SLC2A9: variants seen among roughly 807,000 people sequenced by gnomAD.
SLC2A9 encodes the protein solute carrier family 2, facilitated glucose transporter member 9.
SLC2A9 carries 39 observed loss-of-function variants against 50.6 expected under a neutral mutation model. The ratio of observed to expected loss-of-function variants is 0.77; its 90% CI spans 0.60 to 1.01. SLC2A9 has a LOEUF of 1.01. Among genes scored for constraint, SLC2A9 ranks in the 50% least tolerant of loss-of-function variants. The probability of loss-of-function intolerance (pLI) is 0.00; values close to 1 mark genes in which losing one functional copy is unlikely to be tolerated. For synonymous variants in SLC2A9, 324 were observed against 276.9 expected (o/e 1.17, Z -1.69); for missense variants, 686 against 677.6 (o/e 1.01, Z -0.14).
intron 6 of SLC2A9, among the ~76,000 whole-genome samples, chr4:9,921,625 C>T (rs1235772790): frequency 2.6e-5 from 4 of 152,224 alleles, no homozygotes; most frequent in Admixed American, 1.3e-4. Context: ...AGAACCCTTC[C>T]GAAGGCTTTG....
chr4:9,814,748 G>A (rs575577882), intron 3 of SLC2A9, among the ~76,000 whole-genome samples: 2 of 152,028 alleles, frequency 1.3e-5, no homozygotes, highest in African/African-American at 4.8e-5. Context: ...GAGAGAAAGC[G>A]CTAGAGCAAA....
intron 5 of SLC2A9, among the ~76,000 whole-genome samples, chr4:9,943,141 G>T (rs182592473): frequency 1.3e-5 from 2 of 152,092 alleles, no homozygotes; most frequent in African/African-American, 4.8e-5. Flanking sequence ...CCCAAGACTC[G>T]CTCCCTACTG....
At chr4:9,850,120 C>G (rs185103206) in intron 10 of SLC2A9, among the ~76,000 whole-genome samples, 1 of 152,008 alleles carries the variant, frequency 6.6e-6, no homozygotes. Flanking sequence ...GAACCCTGCA[C>G]GGGGCTGCTG....
chr4:9,826,485 T>G lies in SLC2A9; in HGVS notation c.1535A>C (p.Gln512Pro). The change falls in exon 12 of 12, where the codon CAG becomes CCG. Residue 512 changes from glutamine (Q) to proline (P), a missense_variant. Transcript: ENST00000264784. ...TGCTTTGTTCCTTTTGGAAAATGCC[T>G]GGCTGATTTCTGCATAGGTTCTGTT... ...TKNRTYAEIS[Q>P]AFSKRNKAYP... The G allele has an allele frequency of 4.3e-6, 7 of 1,613,972 alleles. No homozygotes were observed. The East Asian group carries it at 1.6e-4, about 36-fold the overall frequency.
upstream of SLC2A9, chr4:10,021,516 G>C: frequency 1.3e-6 from 2 of 1,592,168 alleles, no homozygotes; most frequent in South Asian, 2.3e-5. Context: ...AGAGTCCACT[G>C]GAAGGAGGGC....
chr4:9,773,616 G>T (rs1202617918), intron 1 of SLC2A9, among the ~76,000 whole-genome samples: 2 of 152,236 alleles, frequency 1.3e-5, no homozygotes, highest in African/African-American at 2.4e-5. Flanking sequence ...CATGTGAAAG[G>T]ATCGTTTCCT....
upstream of SLC2A9, among the ~76,000 whole-genome samples, chr4:10,024,277 G>C (rs1476368499): frequency 5.3e-5 from 8 of 152,190 alleles, no homozygotes; most frequent in African/African-American, 1.9e-4. Context: ...TCAATGGGCT[G>C]ATTGTGTCCC....
chr4:9,985,721 T>C lies in SLC2A9; in HGVS notation c.483A>G (p.Ala161=). 6.2e-7 allele frequency: 1 copy of C among 1,614,034 alleles called. No individual in the cohort carries two copies. The highest frequency in any genetic ancestry group is 8.5e-7 in the Non-Finnish European group (1 of 1,179,868). ...CCACGATGAGCATTTCAAAGGCTCC[T>C]GCCTGGAGCGAGCAGGCCATCAGCA... ...AALLMACSLQ[A]GAFEMLIVGR... The change falls in exon 4 of 12, where the codon GCA becomes GCG. Residue 161 remains alanine, a synonymous_variant. Transcript: ENST00000264784.
intron 3 of SLC2A9, among the ~76,000 whole-genome samples, chr4:9,785,342 A>C (rs1404907573): frequency 2.0e-5 from 3 of 152,236 alleles, no homozygotes; most frequent in Non-Finnish European, 2.9e-5. Flanking sequence ...TGTTTTCTCG[A>C]TAGGACTTCT....
intron 2 of SLC2A9, among the ~76,000 whole-genome samples, chr4:10,001,035 G>T (rs1361068068): frequency 6.6e-6 from 1 of 152,112 alleles, no homozygotes; most frequent in African/African-American, 2.4e-5. Flanking sequence ...GTCCTTATTT[G>T]AAATGTGGTC....
At position 10,033,985 on chromosome 4, in the gene SLC2A9, G is replaced by A. The variant is rs990733658; in HGVS notation, c.-41+6145C>T. 6.6e-5 allele frequency among the ~76,000 whole-genome samples: 10 copies of A among 152,238 alleles called. No homozygotes were observed. In the East Asian group the frequency reaches 7.7e-4, roughly 12 times the overall value. On this transcript the variant is annotated intron_variant, in intron 1 of 12. Coordinates refer to the SLC2A9 transcript ENST00000309065. ...GCCCCTTTTCTCCTACTCTGTCCCCGGGGATGTTTTTCTCTTACTGACTCT... is the reference window on the plus strand; with the variant it reads ...GCCCCTTTTCTCCTACTCTGTCCCCAGGGATGTTTTTCTCTTACTGACTCT...
chr4:9,903,770 T>C (rs1205454275), intron 8 of SLC2A9, among the ~76,000 whole-genome samples: 1 of 149,560 alleles, frequency 6.7e-6, no homozygotes, highest in Non-Finnish European at 1.5e-5. Context: ...TATGTAACTG[T>C]ATATATATAA....
chr4:9,968,509 T>C (rs1753394431), intron 5 of SLC2A9, among the ~76,000 whole-genome samples: 1 of 152,218 alleles, frequency 6.6e-6, no homozygotes, highest in South Asian at 2.1e-4. Context: ...GTTTCTTTTT[T>C]TCCAGTATAA....
At chr4:9,944,081 G>A (rs13101562) in intron 5 of SLC2A9, among the ~76,000 whole-genome samples, 2 of 152,214 alleles carry the variant, frequency 1.3e-5, no homozygotes, top group African/African-American at 2.4e-5. Flanking sequence ...CCACTGGGTG[G>A]AAGGGCACCC....
intron 2 of SLC2A9, among the ~76,000 whole-genome samples, chr4:9,999,672 T>C (rs1759419541): frequency 6.6e-6 from 1 of 152,122 alleles, no homozygotes; most frequent in South Asian, 2.1e-4. Flanking sequence ...TGATAGGTCA[T>C]GGAAGTTAGC....
chr4:9,810,505 C>T (rs920033083), intron 3 of SLC2A9, among the ~76,000 whole-genome samples: 6 of 152,210 alleles, frequency 3.9e-5, no homozygotes, highest in Non-Finnish European at 7.3e-5. Context: ...TCCTTAGTAT[C>T]TGATAATTAG....
At chr4:10,006,423 G>C (rs918875015) in intron 2 of SLC2A9, 2 of 152,196 alleles carry the variant, frequency 1.3e-5, no homozygotes, top group African/African-American at 4.8e-5. Context: ...GCATAAGAGA[G>C]GAAGTCATGC....
At chr4:9,774,028 C>T (rs1717190547) in intron 1 of SLC2A9, among the ~76,000 whole-genome samples, 2 of 138,062 alleles carry the variant, frequency 1.4e-5, no homozygotes, top group Non-Finnish European at 3.1e-5. Context: ...CTTGCTCTGT[C>T]TCATCTCCCA....
At chr4:9,983,352 AC>A (rs1256961576) in intron 4 of SLC2A9, among the ~76,000 whole-genome samples, 6 of 152,312 alleles carry the variant, frequency 3.9e-5, no homozygotes, top group African/African-American at 1.2e-4. Flanking sequence ...TGGCCATGGG[AC>A]TTGCTTGGGC....
Sources: allele counts gnomAD v4.1 joint callset (sites outside exome capture counted in the v4.1 genomes callset), GRCh38; gene constraint gnomAD v4.1.1; transcripts MANE v1.5; gene names NCBI Gene and HGNC (gene_info 2026-07-23, HGNC 2026-07-21).